The following PARD3B variants were observed in gnomAD, a reference collection of about 807,000 sequenced individuals.
PARD3B encodes partitioning defective 3 homolog B.
In PARD3B, 103 loss-of-function variants were observed where a neutral mutation model predicts 130.2. The observed-to-expected ratio is 0.79, with a 90% CI of 0.67 to 0.93. The LOEUF is 0.93. Among genes scored for constraint, PARD3B ranks in the 40% least tolerant of loss-of-function variants. The pLI, the probability that PARD3B is intolerant of heterozygous loss-of-function variation, is 0.00. For synonymous variants in PARD3B, 583 were observed against 553.2 expected (o/e 1.05, Z -0.76); for missense variants, 1,609 against 1,499.2 (o/e 1.07, Z -1.21).
At chr2:204,956,696 C>A (rs1012109018) in intron 2 of PARD3B, among the ~76,000 whole-genome samples, 3 of 152,174 alleles carry the variant, frequency 2.0e-5, no homozygotes, top group African/African-American at 7.2e-5. Flanking sequence ...AGATTGGGAT[C>A]ATCTTTGAGA....
chr2:205,527,013 A>C (rs1363620648), intron 21 of PARD3B, among the ~76,000 whole-genome samples: 1 of 152,340 alleles, frequency 6.6e-6, no homozygotes, highest in Non-Finnish European at 1.5e-5. Context: ...TAGACAGTGA[A>C]GAAGTCAAAT....
In PARD3B at chr2:205,618,796, A is replaced by G. The variant is rs1446643561; in HGVS notation, c.*2983A>G. On this transcript the variant is annotated 3_prime_UTR_variant, in exon 23 of 23. Coordinates refer to ENST00000406610, the MANE Select transcript of PARD3B (RefSeq NM_001302769.2). ...AAACACAGCCTCCCCAGAATCCATT[A>G]TGCCATCGGGTTGTGGCACTCTCAC... 1 of 152,214 alleles carries G rather than the reference A, an allele frequency of 6.6e-6. No homozygotes were observed. The highest frequency in any genetic ancestry group is 1.9e-4 in the East Asian group (1 of 5,202). 9.4% of individuals were successfully genotyped at this position (152,214 alleles called of 1,614,324 possible). A position where few individuals can be genotyped will look rare whatever the true frequency, so the allele number is the denominator to read the frequency against.
At chr2:204,696,286 A>C (rs2037609769) in intron 2 of PARD3B, among the ~76,000 whole-genome samples, 1 of 152,018 alleles carries the variant, frequency 6.6e-6, no homozygotes, top group Non-Finnish European at 1.5e-5. Context: ...ACGGAAACAA[A>C]AAACAGGTCA....
intron 8 of PARD3B, 114 bp from the exon 9 acceptor site, chr2:205,124,213 T>C (rs199568350): frequency 2.3e-6 from 2 of 883,876 alleles, no homozygotes; most frequent in East Asian, 3.0e-5. Context: ...TCCCAGAATG[T>C]AAATATTTTA....
chr2:204,810,989 C>T (rs77498316), intron 2 of PARD3B, among the ~76,000 whole-genome samples: 1,769 of 152,140 alleles, frequency 0.012, 30 homozygotes, highest in African/African-American at 0.039. Context: ...CATTTCAGAG[C>T]TCATTATTGG....
chr2:204,851,821 T>C (rs2044719541), intron 2 of PARD3B, among the ~76,000 whole-genome samples: 1 of 151,630 alleles, frequency 6.6e-6, no homozygotes, highest in Middle Eastern at 3.4e-3. Context: ...GCCTCCCGAG[T>C]AGCTGGGATT....
intron 18 of PARD3B, among the ~76,000 whole-genome samples, chr2:205,362,777 G>A (rs1024838576): frequency 1.3e-5 from 2 of 152,176 alleles, no homozygotes; most frequent in Non-Finnish European, 2.9e-5. Context: ...AAGGGCAGAG[G>A]CAGATTAATG....
intron 2 of PARD3B, among the ~76,000 whole-genome samples, chr2:204,811,195 A>G (rs1308427859): frequency 1.3e-5 from 2 of 150,938 alleles, no homozygotes; most frequent in Non-Finnish European, 3.0e-5. Context: ...TTTGTGTCCT[A>G]TTTCTTCTTT....
At chr2:205,438,262 CA>C (rs1429194543) in intron 19 of PARD3B, among the ~76,000 whole-genome samples, 1 of 152,084 alleles carries the variant, frequency 6.6e-6, no homozygotes, top group Non-Finnish European at 1.5e-5. Flanking sequence ...ACGTACTCAG[CA>C]AGTTTAATTA....
chr2:204,821,568 A>G, intron 2 of PARD3B, among the ~76,000 whole-genome samples: 1 of 149,804 alleles, frequency 6.7e-6, no homozygotes. Flanking sequence ...GGGGAGGGAT[A>G]GCTTTAGGAG....
At chr2:204,605,291 C>A (rs1166064655) in intron 1 of PARD3B, among the ~76,000 whole-genome samples, 2 of 152,288 alleles carry the variant, frequency 1.3e-5, no homozygotes, top group South Asian at 4.1e-4. Context: ...TAAACTCTCA[C>A]ACACTAATAG....
chr2:204,880,329 A>G (rs1255335417), intron 2 of PARD3B, among the ~76,000 whole-genome samples: 1 of 152,184 alleles, frequency 6.6e-6, no homozygotes, highest in Non-Finnish European at 1.5e-5. Flanking sequence ...TCATACATAT[A>G]TAGAGAGAGA....
chr2:204,740,774 T>C (rs1042582953), intron 2 of PARD3B, among the ~76,000 whole-genome samples: 2 of 152,216 alleles, frequency 1.3e-5, no homozygotes, highest in African/African-American at 4.8e-5. Context: ...ACAGATTTCA[T>C]ACATGACAGC....
chr2:205,486,404 G>C (rs1014422890), intron 20 of PARD3B, among the ~76,000 whole-genome samples: 1 of 152,138 alleles, frequency 6.6e-6, no homozygotes, highest in African/African-American at 2.4e-5. Flanking sequence ...ATGCCCTTTG[G>C]GAGCTAAGTA....
rs919034130 is a variant in PARD3B at position 205,594,285 on chromosome 2, C to T, written c.3261-21171C>T. 3.3e-5 allele frequency among the ~76,000 whole-genome samples: 5 copies of T among 152,160 alleles called. No homozygotes were observed. In the East Asian group the frequency reaches 5.8e-4, roughly 18 times the overall value. On this transcript the variant is annotated intron_variant, in intron 22 of 22. Transcript: ENST00000406610. ...GGTCCCTTCTCACTTCTGCAGCAGT[C>T]GCTTGCCTGGAGTTATTTAGGGATA...
At chr2:205,140,811 C>T (rs968004048) in intron 10 of PARD3B, among the ~76,000 whole-genome samples, 1 of 152,082 alleles carries the variant, frequency 6.6e-6, no homozygotes, top group Non-Finnish European at 1.5e-5. Context: ...GGTTATATCT[C>T]TCAGCATTTT....
chr2:204,706,455 A>C (rs545675428), intron 2 of PARD3B, among the ~76,000 whole-genome samples: 1 of 152,250 alleles, frequency 6.6e-6, no homozygotes, highest in South Asian at 2.1e-4. Context: ...GGGAGAAAAA[A>C]GTCAAAATGC....
intron 3 of PARD3B, among the ~76,000 whole-genome samples, chr2:204,983,449 A>C (rs1434096337): frequency 3.3e-5 from 5 of 152,048 alleles, no homozygotes; most frequent in South Asian, 4.2e-4. Context: ...GTTTAAGGAA[A>C]GTTAGAAAAA....
intron 21 of PARD3B, among the ~76,000 whole-genome samples, chr2:205,535,096 C>T (rs933786236): frequency 6.6e-6 from 1 of 152,080 alleles, no homozygotes; most frequent in East Asian, 1.9e-4. Flanking sequence ...AGACATATTG[C>T]CCCCATAATC....
Sources: gnomAD v4.1 joint callset for allele counts (sites outside exome capture counted in the v4.1 genomes callset) on GRCh38, gnomAD v4.1.1 for gene constraint, MANE v1.5 for transcripts, NCBI Gene and HGNC (gene_info 2026-07-23, HGNC 2026-07-21) for gene names.